The following LYPLA1 variants were observed in gnomAD, a reference collection of about 807,000 sequenced individuals.
LYPLA1 encodes lysophospholipase 1.
In LYPLA1, 17 loss-of-function variants were observed where a neutral mutation model predicts 34.0. That is an observed-to-expected ratio of 0.50 (90% CI 0.34 to 0.75). The LOEUF is 0.75. Ranked by LOEUF, LYPLA1 falls within the 30% of genes least tolerant of loss-of-function variation. LYPLA1 has a pLI of 0.01. For synonymous variants in LYPLA1, 98 were observed against 100.8 expected, an observed-to-expected ratio of 0.97 and a Z score of 0.17; for missense variants, 203 against 288.8, an observed-to-expected ratio of 0.70 and a Z score of 2.15.
At chr8:54,101,089 C>T in intron 1 of LYPLA1, 150 bp from the exon 2 acceptor site, 1 of 654,004 alleles carries the variant, frequency 1.5e-6, no homozygotes, top group Non-Finnish European at 2.5e-6. Context: ...TTATCGACCT[C>T]TTTTAAATGG....
chr8:54,058,710 A>C (rs769014801), intron 5 of LYPLA1, among the ~76,000 whole-genome samples: 14 of 151,044 alleles, frequency 9.3e-5, no homozygotes, highest in Non-Finnish European at 1.5e-4. Flanking sequence ...CAAGCAGCTG[A>C]GGGGGCCACA....
intron 7 of LYPLA1, among the ~76,000 whole-genome samples, chr8:54,051,452 C>T (rs1389040571): frequency 2.6e-5 from 4 of 151,734 alleles, no homozygotes; most frequent in East Asian, 1.9e-4. Context: ...TTTTTTGTTT[C>T]GTTTAGTTTT....
At chr8:54,060,729 G>C (rs574463035) in intron 5 of LYPLA1, among the ~76,000 whole-genome samples, 2 of 117,604 alleles carry the variant, frequency 1.7e-5, no homozygotes, top group Non-Finnish European at 1.6e-5. Context: ...GTCTCCCTCT[G>C]TCACCCAGGC....
chr8:54,076,280 A>C (rs1341604790), intron 2 of LYPLA1, among the ~76,000 whole-genome samples: 1 of 152,232 alleles, frequency 6.6e-6, no homozygotes, highest in African/African-American at 2.4e-5. Flanking sequence ...ACCTGACCTT[A>C]ATGCCAGGAA....
downstream of LYPLA1, among the ~76,000 whole-genome samples, chr8:54,044,227 C>T (rs1440097836): frequency 6.6e-6 from 1 of 152,032 alleles, no homozygotes; most frequent in Non-Finnish European, 1.5e-5. Flanking sequence ...ACCTGGTATT[C>T]AGCTGTAGGT....
intron 2 of LYPLA1, 27 bp downstream of exon 2, chr8:54,100,875 ATTACTG>A (rs1810081366): frequency 1.9e-6 from 3 of 1,577,682 alleles, no homozygotes; most frequent in Non-Finnish European, 2.6e-6. Flanking sequence ...ACCCAGTTTC[ATTACTG>A]TTACTATTAA....
At chr8:54,060,214 C>A (rs1351824156) in intron 5 of LYPLA1, among the ~76,000 whole-genome samples, 1 of 152,116 alleles carries the variant, frequency 6.6e-6, no homozygotes, top group Non-Finnish European at 1.5e-5. Flanking sequence ...TAGCCTCTGC[C>A]TCCCAGGTTC....
intron 2 of LYPLA1, among the ~76,000 whole-genome samples, chr8:54,098,120 G>C (rs1388696752): frequency 2.0e-5 from 3 of 152,138 alleles, no homozygotes; most frequent in African/African-American, 7.2e-5. Context: ...CTACTCAGGA[G>C]GCTGAGGCAG....
At chr8:54,059,678 T>A (rs1342315367) in intron 5 of LYPLA1, among the ~76,000 whole-genome samples, 4 of 152,188 alleles carry the variant, frequency 2.6e-5, no homozygotes, top group Admixed American at 2.6e-4. Context: ...ATGCCTGTAA[T>A]CCCAGTACTT....
At chr8:54,074,642 G>A (rs1054688469) in intron 2 of LYPLA1, among the ~76,000 whole-genome samples, 13 of 152,196 alleles carry the variant, frequency 8.5e-5, no homozygotes, top group African/African-American at 2.7e-4. Context: ...GGTCTCAAAC[G>A]CAGATACAGC....
chr8:54,063,171 C>A (rs1269785576), intron 4 of LYPLA1, among the ~76,000 whole-genome samples, 157 bp downstream of exon 4: 1 of 152,142 alleles, frequency 6.6e-6, no homozygotes, highest in Non-Finnish European at 1.5e-5. Flanking sequence ...CTTAAGTTTA[C>A]CCCTAAATCC....
intron 7 of LYPLA1, among the ~76,000 whole-genome samples, chr8:54,051,566 G>GC (rs1402546052): frequency 6.6e-6 from 1 of 152,050 alleles, no homozygotes. Context: ...TCCTGCCTCA[G>GC]CCTCCCAAGT....
chr8:54,074,999 A>T (rs1807781335), intron 2 of LYPLA1, among the ~76,000 whole-genome samples: 1 of 152,190 alleles, frequency 6.6e-6, no homozygotes, highest in South Asian at 2.1e-4. Flanking sequence ...ATTTTTCTCT[A>T]TGTGGAATAT....
chr8:54,075,699 T>C (rs918719795), intron 2 of LYPLA1, among the ~76,000 whole-genome samples: 5 of 152,248 alleles, frequency 3.3e-5, no homozygotes, highest in African/African-American at 1.2e-4. Context: ...CAATCTTGGC[T>C]GGCAATAATG....
chr8:54,051,365 T>A (rs536692069), intron 7 of LYPLA1, among the ~76,000 whole-genome samples, 177 bp from the exon 8 acceptor site: 3 of 152,228 alleles, frequency 2.0e-5, no homozygotes, highest in Admixed American at 2.0e-4. Flanking sequence ...TTCTATAGGA[T>A]GTATGATCAC....
At chr8:54,084,409 C>G (rs1001054115) in intron 2 of LYPLA1, among the ~76,000 whole-genome samples, 3 of 151,412 alleles carry the variant, frequency 2.0e-5, no homozygotes, top group African/African-American at 7.3e-5. Context: ...CATCTCTACC[C>G]AAAATACAAA....
chr8:54,091,581 AAAGGAAGGAAGGAAGGAAGG>A (rs200125817), intron 2 of LYPLA1, among the ~76,000 whole-genome samples: 21 of 142,378 alleles, frequency 1.5e-4, no homozygotes, highest in African/African-American at 3.4e-4. Flanking sequence ...GAAAGAAAGA[AAAGGAAGGAAGGAAGGAAGG>A]AAGGAAGGAA....
chr8:54,048,362 G>A (rs1159978488), intron 8 of LYPLA1, among the ~76,000 whole-genome samples: 1 of 152,090 alleles, frequency 6.6e-6, no homozygotes, highest in Admixed American at 6.5e-5. Context: ...TCCTATACTG[G>A]AACAATATAA....
intron 1 of LYPLA1, 57 bp downstream of exon 1, chr8:54,101,698 G>T (rs1042036530): frequency 2.4e-6 from 3 of 1,239,256 alleles, no homozygotes; most frequent in Non-Finnish European, 3.1e-6. Context: ...CGCGCGAGGG[G>T]CAACCACCGG....
Sources: allele counts gnomAD v4.1 joint callset (sites outside exome capture counted in the v4.1 genomes callset), GRCh38; gene constraint gnomAD v4.1.1; transcripts MANE v1.5; gene names NCBI Gene and HGNC (gene_info 2026-07-23, HGNC 2026-07-21).